Variants in SNTG2 observed in about 807,000 individuals in gnomAD.
SNTG2 encodes the protein gamma-2-syntrophin.
SNTG2 carries 74 observed loss-of-function variants against 70.9 expected under a neutral mutation model. The ratio of observed to expected loss-of-function variants is 1.04; its 90% CI spans 0.86 to 1.27. The LOEUF (loss-of-function observed/expected upper bound fraction) is 1.27, where lower values mean the gene tolerates loss of function less well. Ranked by LOEUF, SNTG2 falls within the 50% of genes most tolerant of loss-of-function variation. The pLI, the probability that SNTG2 is intolerant of heterozygous loss-of-function variation, is 0.00. For missense variants in SNTG2, 717 were observed against 690.7 expected, an observed-to-expected ratio of 1.04 and a Z score of -0.43; for synonymous variants, 278 against 273.8, an observed-to-expected ratio of 1.02 and a Z score of -0.15.
At chr2:1,031,607 T>C (rs1184966920) in intron 1 of SNTG2, among the ~76,000 whole-genome samples, 2 of 146,384 alleles carry the variant, frequency 1.4e-5, no homozygotes, top group Non-Finnish European at 3.0e-5. Flanking sequence ...CTTGGCTCAC[T>C]GCAACCTCCG....
intron 1 of SNTG2, among the ~76,000 whole-genome samples, chr2:953,921 C>T (rs750184916): frequency 1.3e-5 from 2 of 151,446 alleles, no homozygotes; most frequent in Non-Finnish European, 2.9e-5. Flanking sequence ...ATCTGCTTCT[C>T]AAGATACCCC....
chr2:1,319,598 G>A (rs1292940373), intron 16 of SNTG2, among the ~76,000 whole-genome samples: 1 of 152,184 alleles, frequency 6.6e-6, no homozygotes, highest in Non-Finnish European at 1.5e-5. Context: ...ACGTCGCTTG[G>A]GCCCCTCAGC....
At chr2:1,119,400 G>A (rs1479587887) in intron 4 of SNTG2, among the ~76,000 whole-genome samples, 1 of 152,158 alleles carries the variant, frequency 6.6e-6, no homozygotes, top group African/African-American at 2.4e-5. Flanking sequence ...TGTCATCATG[G>A]TGGTGTGTAA....
At chr2:1,033,265 A>G (rs1293804357) in intron 1 of SNTG2, among the ~76,000 whole-genome samples, 1 of 152,196 alleles carries the variant, frequency 6.6e-6, no homozygotes, top group Non-Finnish European at 1.5e-5. Flanking sequence ...TGCTTTTGAC[A>G]GATGCCCTGG....
chr2:1,086,310 C>G (rs1392252664), intron 2 of SNTG2, among the ~76,000 whole-genome samples: 1 of 152,200 alleles, frequency 6.6e-6, no homozygotes, highest in East Asian at 1.9e-4. Context: ...GGCTCGCTCT[C>G]TCGCTCTCTC....
At chr2:1,091,997 G>GA (rs1665058402) in intron 2 of SNTG2, among the ~76,000 whole-genome samples, 2 of 152,098 alleles carry the variant, frequency 1.3e-5, no homozygotes, top group Non-Finnish European at 2.9e-5. Flanking sequence ...GCCCCATTCT[G>GA]AAAAATGCCT....
intron 6 of SNTG2, among the ~76,000 whole-genome samples, chr2:1,159,991 A>G (rs1224575847): frequency 1.3e-5 from 2 of 152,226 alleles, no homozygotes; most frequent in African/African-American, 2.4e-5. Flanking sequence ...TCCGTGAGAA[A>G]GACTAGAAAT....
intron 1 of SNTG2, among the ~76,000 whole-genome samples, chr2:1,006,737 G>A (rs374167733): frequency 1.3e-5 from 2 of 152,244 alleles, no homozygotes; most frequent in Non-Finnish European, 2.9e-5. Flanking sequence ...TTTAGAGTAT[G>A]AGGGAGGGCC....
intron 1 of SNTG2, among the ~76,000 whole-genome samples, chr2:964,346 C>T (rs1417633887): frequency 6.6e-6 from 1 of 152,176 alleles, no homozygotes; most frequent in Non-Finnish European, 1.5e-5. Context: ...GTGTCTCCGC[C>T]TGCCTCCGCC....
chr2:972,211 T>A (rs1181940682), intron 1 of SNTG2, among the ~76,000 whole-genome samples: 1 of 152,210 alleles, frequency 6.6e-6, no homozygotes, highest in African/African-American at 2.4e-5. Flanking sequence ...TTGGCCTTCA[T>A]GCTCTTTCTA....
rs1043390374 is a variant in SNTG2, at chr2:1,175,966, C to A, written c.591+2783C>A. 3.3e-5 allele frequency among the ~76,000 whole-genome samples: 5 copies of A among 152,312 alleles called. 1 individual carries two copies. The South Asian group carries it at 1.0e-3, about 32-fold the overall frequency. ...GTTCTCCCAGTTCTCCTGGTTCTCCCAGCTCTCCTGGTTCTTCAGGCTTTG... is the reference window on the plus strand; with the variant it reads ...GTTCTCCCAGTTCTCCTGGTTCTCCAAGCTCTCCTGGTTCTTCAGGCTTTG... On this transcript the variant is annotated intron_variant, in intron 8 of 16. Transcript: ENST00000308624.
chr2:973,612 C>T (rs538622812), intron 1 of SNTG2, among the ~76,000 whole-genome samples: 1 of 151,442 alleles, frequency 6.6e-6, no homozygotes, highest in Admixed American at 6.6e-5. Flanking sequence ...TTGAACATGC[C>T]TCTGCCTTTT....
At position 1,032,741 on chromosome 2, in the gene SNTG2, TG is replaced by T. The variant is rs779089497; in HGVS notation, c.73-50775del. Among the ~76,000 whole-genome samples, 8 of 149,266 alleles carry T rather than the reference TG, an allele frequency of 5.4e-5. No homozygotes were observed. The East Asian group carries it at 1.6e-3, about 30-fold the overall frequency. On this transcript the variant is annotated intron_variant, in intron 1 of 16. Coordinates refer to ENST00000308624, the MANE Select transcript of SNTG2 (RefSeq NM_018968.4). ...GTTAGTTACTTTGTATCTACCTCAT[TG>T]GTAGATACACCCTTGGTGTATTCCA... is the stretch of plus-strand genomic sequence containing the variant.
chr2:982,342 T>C (rs1221771587), intron 1 of SNTG2, among the ~76,000 whole-genome samples: 1 of 152,198 alleles, frequency 6.6e-6, no homozygotes, highest in Non-Finnish European at 1.5e-5. Flanking sequence ...TCTTTGAGAA[T>C]AATTGGTGTT....
rs1005504966 is a variant in SNTG2, at chr2:1,018,406, T to C, written c.73-65112T>C. ...GATGCCCTTGAAATTTGGTGCCCAC[T>C]CCTGAGACCATGGTGGGCCCTCCAG... is the stretch of plus-strand genomic sequence containing the variant. On this transcript the variant is annotated intron_variant, in intron 1 of 16. Transcript: ENST00000308624. 5.6e-4 allele frequency among the ~76,000 whole-genome samples: 85 copies of C among 152,156 alleles called. 1 individual carries two copies. Among genetic ancestry groups the C allele is most frequent in the Admixed American group, 5.5e-3 (84 of 15,284 alleles).
chr2:1,262,944 C>T (rs997848924), intron 13 of SNTG2: 2 of 152,276 alleles, frequency 1.3e-5, no homozygotes, highest in African/African-American at 2.4e-5. Context: ...CACTGCGATC[C>T]ACAAGGTCTG....
chr2:1,089,975 C>G (rs892336592), intron 2 of SNTG2, among the ~76,000 whole-genome samples: 34 of 152,136 alleles, frequency 2.2e-4, no homozygotes, highest in African/African-American at 8.0e-4. Flanking sequence ...CCTCACTGGC[C>G]TTTCGGTACT....
intron 1 of SNTG2, among the ~76,000 whole-genome samples, chr2:1,000,168 T>C (rs188337997): frequency 3.3e-5 from 5 of 151,920 alleles, no homozygotes; most frequent in African/African-American, 1.2e-4. Flanking sequence ...ATTAAATTTC[T>C]GCATGAAAAA....
At chr2:1,325,954 C>T (rs1179616498) in intron 16 of SNTG2, among the ~76,000 whole-genome samples, 1 of 152,068 alleles carries the variant, frequency 6.6e-6, no homozygotes, top group Non-Finnish European at 1.5e-5. Context: ...TTGCCTCAGC[C>T]TCCTGAGTAA....
Sources: allele counts gnomAD v4.1 joint callset (sites outside exome capture counted in the v4.1 genomes callset), GRCh38; gene constraint gnomAD v4.1.1; transcripts MANE v1.5; gene names NCBI Gene and HGNC (gene_info 2026-07-23, HGNC 2026-07-21).